The following ZC3H12B variants were observed in gnomAD, a reference collection of about 807,000 sequenced individuals.
ZC3H12B encodes probable ribonuclease ZC3H12B.
Under a neutral mutation model 43.9 loss-of-function variants are expected in ZC3H12B, and 7 were observed. That is an observed-to-expected ratio of 0.16 (90% CI 0.09 to 0.30). The LOEUF (loss-of-function observed/expected upper bound fraction) is 0.30. ZC3H12B is among the 10% of genes least tolerant of loss of function. The pLI, the probability that ZC3H12B is intolerant of heterozygous loss-of-function variation, is 1.00. For synonymous variants in ZC3H12B, 222 were observed against 241.7 expected (o/e 0.92, Z 0.76); for missense variants, 475 against 670.2 (o/e 0.71, Z 3.22).
the ZC3H12B span, among the ~76,000 whole-genome samples, chrX:65,154,158 C>G: frequency 1.8e-5 from 2 of 111,020 alleles, no homozygotes; most frequent in Admixed American, 1.9e-4. Context: ...TTCAGCACAC[C>G]AACATGTCAC....
chrX:65,353,228 G>T, the ZC3H12B span, among the ~76,000 whole-genome samples: 1 of 111,209 alleles, frequency 9.0e-6, no homozygotes, highest in Non-Finnish European at 1.9e-5. Flanking sequence ...ATACGACAGG[G>T]TACTTAATAA....
chrX:65,327,535 C>T, the ZC3H12B span, among the ~76,000 whole-genome samples: 2 of 111,236 alleles, frequency 1.8e-5, no homozygotes, highest in Admixed American at 1.9e-4. Context: ...ACATGGATGA[C>T]TTGCAAAGGA....
chrX:65,471,806 G>A (rs1203781557), intron 3 of ZC3H12B, among the ~76,000 whole-genome samples: 1 of 111,358 alleles, frequency 9.0e-6, no homozygotes, highest in Non-Finnish European at 1.9e-5. Context: ...GGAACATTTA[G>A]ATCATTTTAT....
the ZC3H12B span, among the ~76,000 whole-genome samples, chrX:65,308,333 G>C: frequency 1.8e-5 from 2 of 110,623 alleles, no homozygotes; most frequent in Non-Finnish European, 3.8e-5. Flanking sequence ...AAAAGCAGGG[G>C]TTGCAAGCCT....
the ZC3H12B span, among the ~76,000 whole-genome samples, chrX:65,119,267 C>T: frequency 9.0e-6 from 1 of 111,526 alleles, no homozygotes; most frequent in African/African-American, 3.3e-5. Flanking sequence ...GTCCCACCAA[C>T]AGTGTAAAAG....
the ZC3H12B span, among the ~76,000 whole-genome samples, chrX:65,280,898 G>A: frequency 8.9e-6 from 1 of 111,762 alleles, no homozygotes; most frequent in African/African-American, 3.2e-5. Flanking sequence ...ACAAACAAAT[G>A]GAAAGACATT....
At chrX:65,228,762 A>G in the ZC3H12B span, among the ~76,000 whole-genome samples, 1 of 112,003 alleles carries the variant, frequency 8.9e-6, no homozygotes, top group Non-Finnish European at 1.9e-5. Flanking sequence ...GAGAAAAATC[A>G]TAAGTGAACT....
chrX:65,106,983 C>T, the ZC3H12B span, among the ~76,000 whole-genome samples: 6 of 111,090 alleles, frequency 5.4e-5, no homozygotes. Flanking sequence ...TGTGAAGTAC[C>T]TATGAAAGAT....
chrX:65,124,829 A>G, the ZC3H12B span, among the ~76,000 whole-genome samples: 2 of 110,928 alleles, frequency 1.8e-5, no homozygotes, highest in African/African-American at 6.5e-5. Context: ...ATCAGTTTTA[A>G]TATCTCCCAT....
the ZC3H12B span, among the ~76,000 whole-genome samples, chrX:65,229,128 A>C: frequency 9.0e-6 from 1 of 110,634 alleles, no homozygotes; most frequent in Admixed American, 9.6e-5. Flanking sequence ...ACCTGACTTC[A>C]AACTATACTA....
At chrX:65,073,436 C>T in the ZC3H12B span, among the ~76,000 whole-genome samples, 1 of 112,286 alleles carries the variant, frequency 8.9e-6, no homozygotes, top group Non-Finnish European at 1.9e-5. Flanking sequence ...CCTGAAGCCA[C>T]ACTGCAAGCA....
chrX:65,374,154 GTA>G (rs1244253389), intron 2 of ZC3H12B, among the ~76,000 whole-genome samples: 4 of 74,701 alleles, frequency 5.4e-5, no homozygotes, highest in East Asian at 7.8e-4. Flanking sequence ...TATATACAGT[GTA>G]TATATATAGT....
chrX:65,245,314 A>T, the ZC3H12B span, among the ~76,000 whole-genome samples: 2 of 112,128 alleles, frequency 1.8e-5, no homozygotes, highest in African/African-American at 6.5e-5. Context: ...GAAAGTAAGG[A>T]GGAGGGATTC....
At chrX:65,099,422 C>A in the ZC3H12B span, among the ~76,000 whole-genome samples, 1 of 111,769 alleles carries the variant, frequency 8.9e-6, no homozygotes, top group Non-Finnish European at 1.9e-5. Context: ...GACCACCGTA[C>A]CTCCTGACTG....
chrX:65,193,698 G>GT, the ZC3H12B span, among the ~76,000 whole-genome samples: 1 of 111,166 alleles, frequency 9.0e-6, no homozygotes, highest in East Asian at 2.8e-4. Flanking sequence ...TGCTTTTCTA[G>GT]TTTTTTAAGA....
chrX:65,425,126 T>C lies in ZC3H12B; in HGVS notation n.407+26422T>C, dbSNP rs1338557536. On this transcript the variant is annotated intron_variant and non_coding_transcript_variant, in intron 3 of 5. Coordinates refer to the ZC3H12B transcript ENST00000617377. ...AGAATGTTTTTTCCATTTGTTTCTG[T>C]CATCTCTGATTTCTTTGAGCAGTGG... 2.7e-5 allele frequency among the ~76,000 whole-genome samples: 3 copies of C among 111,931 alleles called. No homozygotes were observed. The Admixed American group carries it at 2.8e-4, about 11-fold the overall frequency.
chrX:65,143,237 C>G, the ZC3H12B span, among the ~76,000 whole-genome samples: 2 of 110,952 alleles, frequency 1.8e-5, no homozygotes, highest in African/African-American at 6.6e-5. Flanking sequence ...TAGGTATATT[C>G]TTAAGGTTTT....
At chrX:65,160,546 C>A in the ZC3H12B span, among the ~76,000 whole-genome samples, 1 of 111,486 alleles carries the variant, frequency 9.0e-6, no homozygotes, top group Non-Finnish European at 1.9e-5. Flanking sequence ...AGTTTATTTG[C>A]GTAGAGGTGT....
the ZC3H12B span, among the ~76,000 whole-genome samples, chrX:65,158,364 G>T: frequency 3.6e-5 from 4 of 111,373 alleles, no homozygotes; most frequent in Admixed American, 9.6e-5. Flanking sequence ...TTCCACAATG[G>T]TTGAACTAGT....
Sources: allele counts gnomAD v4.1 joint callset (sites outside exome capture counted in the v4.1 genomes callset), GRCh38; gene constraint gnomAD v4.1.1; transcripts MANE v1.5; gene names NCBI Gene and HGNC (gene_info 2026-07-23, HGNC 2026-07-21).